Variants in TMEM135 observed in about 807,000 individuals in gnomAD.
TMEM135 encodes the protein transmembrane protein 135.
In TMEM135, 30 loss-of-function variants were observed where a neutral mutation model predicts 60.3. That is an observed-to-expected ratio of 0.50 (90% CI 0.37 to 0.68). The LOEUF is 0.68. Ranked by LOEUF, TMEM135 falls within the 30% of genes least tolerant of loss-of-function variation. The pLI is 0.00. For missense variants in TMEM135, 468 were observed against 548.8 expected (o/e 0.85, Z 1.47); for synonymous variants, 190 against 186.7 (o/e 1.02, Z -0.14).
intron 5 of TMEM135, among the ~76,000 whole-genome samples, chr11:87,182,525 T>G (rs896599107): frequency 6.6e-6 from 1 of 152,184 alleles, no homozygotes. Context: ...CACTAACATC[T>G]AAGTATATGG....
intron 4 of TMEM135, among the ~76,000 whole-genome samples, chr11:87,116,648 GACACACACA>G: frequency 2.3e-5 from 1 of 42,832 alleles, no homozygotes; most frequent in South Asian, 7.4e-4. Flanking sequence ...CACACACACA[GACACACACA>G]TACATATAGT....
rs527312469 is a variant in TMEM135, at chr11:87,154,478, A to C, written c.397-2863A>C. ...CTTTGAGAGCCTACATTCAGTAGTT[A>C]TGGATATATACCCAGAAGCAGGGTG... On this transcript the variant is annotated intron_variant, in intron 4 of 14. Transcript: ENST00000305494. 5.8e-4 allele frequency among the ~76,000 whole-genome samples: 89 copies of C among 152,318 alleles called. 1 individual carries two copies. The highest frequency in any genetic ancestry group is 3.4e-3 in the Middle Eastern group (1 of 294).
At chr11:87,272,922 C>A (rs1235601405) in intron 6 of TMEM135, among the ~76,000 whole-genome samples, 1 of 152,136 alleles carries the variant, frequency 6.6e-6, no homozygotes, top group African/African-American at 2.4e-5. Flanking sequence ...AGTACATTAA[C>A]CATACTCTGA....
intron 5 of TMEM135, among the ~76,000 whole-genome samples, chr11:87,223,179 T>TTTTG (rs1009974373): frequency 4.0e-5 from 6 of 151,700 alleles, no homozygotes; most frequent in African/African-American, 1.5e-4. Flanking sequence ...TTTTTTTTTT[T>TTTTG]TCTGAGATGG....
Position 87,038,002 on chromosome 11 carries a change from G to T in TMEM135, c.-44G>T, listed in dbSNP as rs1429807423. On this transcript the variant is annotated 5_prime_UTR_variant, in exon 1 of 15. Transcript: ENST00000305494. ...GGGCTCTCGCGCCCCTCCCTGCAGG[G>T]CTCAGGCTCTCCCCCTCCTGTCTTC... 4.3e-6 allele frequency: 7 copies of T among 1,611,832 alleles called. No homozygotes were observed. The highest frequency in any genetic ancestry group is 5.9e-6 in the Non-Finnish European group (7 of 1,179,908).
intron 6 of TMEM135, among the ~76,000 whole-genome samples, chr11:87,281,069 TCATAGCA>T (rs1427766756): frequency 1.3e-5 from 2 of 152,220 alleles, no homozygotes; most frequent in Non-Finnish European, 2.9e-5. Flanking sequence ...AAATGTAAAT[TCATAGCA>T]CATTATCAAT....
intron 1 of TMEM135, among the ~76,000 whole-genome samples, chr11:87,065,714 G>T (rs1213537030): frequency 6.6e-6 from 1 of 152,132 alleles, no homozygotes; most frequent in African/African-American, 2.4e-5. Flanking sequence ...TTGTGCTTTT[G>T]ATGTCAAGTC....
At chr11:87,305,684 G>A (rs186447957) in intron 8 of TMEM135, among the ~76,000 whole-genome samples, 5,302 of 152,160 alleles carry the variant, frequency 0.035, 93 homozygotes, top group Admixed American at 0.046. Context: ...TGAGGCAGGA[G>A]AATCGCTTGA....
chr11:87,248,123 C>T (rs891158947), intron 6 of TMEM135, among the ~76,000 whole-genome samples: 5 of 151,942 alleles, frequency 3.3e-5, no homozygotes, highest in African/African-American at 4.8e-5. Context: ...ATATTGCTTG[C>T]AAATCTTGGC....
intron 6 of TMEM135, among the ~76,000 whole-genome samples, chr11:87,241,695 TTCTACTGTCTA>T (rs1941138313): frequency 1.3e-5 from 2 of 152,078 alleles, no homozygotes; most frequent in Admixed American, 1.3e-4. Flanking sequence ...GTAACCCGTA[TTCTACTGTCTA>T]TCTCCATGAG....
At chr11:87,261,827 G>A (rs935442895) in intron 6 of TMEM135, among the ~76,000 whole-genome samples, 9 of 152,124 alleles carry the variant, frequency 5.9e-5, no homozygotes, top group African/African-American at 1.2e-4. Flanking sequence ...ATCCCCTTAC[G>A]TTGCTCAGGG....
At chr11:87,218,582 C>A (rs1294283296) in intron 5 of TMEM135, among the ~76,000 whole-genome samples, 3 of 152,084 alleles carry the variant, frequency 2.0e-5, no homozygotes, top group Admixed American at 6.6e-5. Context: ...GTGATAATGC[C>A]TAAATCCCCT....
At position 87,324,857 on chromosome 11, in the gene TMEM135, T is replaced by C; in HGVS notation, c.*3524T>C. 1 of 453,950 alleles carries C rather than the reference T, an allele frequency of 2.2e-6. No homozygotes were observed. The highest frequency in any genetic ancestry group is 4.4e-6 in the Non-Finnish European group (1 of 226,746). The allele number at this position is 453,950 out of a possible 1,614,324, so 28.1% of individuals were successfully genotyped here. ...AAACATTCTCTCTCCTAACACCTCC[T>C]TCTAGTAATCATTTTCACATAGTAG... On this transcript the variant is annotated 3_prime_UTR_variant, in exon 15 of 15. Transcript: ENST00000305494.
In TMEM135 at chr11:87,321,501, G is replaced by T. The variant is rs907503442; in HGVS notation, c.*168G>T. On this transcript the variant is annotated 3_prime_UTR_variant, in exon 15 of 15. Coordinates refer to ENST00000305494, the MANE Select transcript of TMEM135 (RefSeq NM_022918.4). Reference sequence around the variant, plus strand: ...AATCAGAAATTCAGAAGCTTTTTAGGAAGATGTTGCTTAATAATTAAGCTT... The same window carrying T: ...AATCAGAAATTCAGAAGCTTTTTAGTAAGATGTTGCTTAATAATTAAGCTT... The T allele has an allele frequency of 1.4e-5, 11 of 785,310 alleles. No homozygotes were observed. The South Asian group carries it at 1.6e-4, about 11-fold the overall frequency. 48.6% of individuals were successfully genotyped at this position (785,310 alleles called of 1,614,324 possible). A position where few individuals can be genotyped will look rare whatever the true frequency, so the allele number is the denominator to read the frequency against.
At chr11:87,269,356 T>C (rs1459117319) in intron 6 of TMEM135, among the ~76,000 whole-genome samples, 2 of 151,218 alleles carry the variant, frequency 1.3e-5, no homozygotes, top group African/African-American at 2.4e-5. Context: ...TTTTAAATTA[T>C]TATCATACTT....
chr11:87,150,288 T>C (rs937527782), intron 4 of TMEM135, among the ~76,000 whole-genome samples: 2 of 152,138 alleles, frequency 1.3e-5, no homozygotes, highest in African/African-American at 4.8e-5. Flanking sequence ...GTAGTATTCT[T>C]TTCTACTGCT....
intron 5 of TMEM135, among the ~76,000 whole-genome samples, chr11:87,227,918 C>T (rs1356823216): frequency 6.6e-6 from 1 of 152,088 alleles, no homozygotes; most frequent in African/African-American, 2.4e-5. Flanking sequence ...TAGAAACTAA[C>T]ATTATAAAAA....
intron 5 of TMEM135, among the ~76,000 whole-genome samples, chr11:87,231,703 T>A (rs1940891962): frequency 6.6e-6 from 1 of 152,096 alleles, no homozygotes; most frequent in Non-Finnish European, 1.5e-5. Context: ...CTTATAAATA[T>A]GTTAAATTAG....
intron 5 of TMEM135, among the ~76,000 whole-genome samples, chr11:87,183,773 C>A (rs1001246040): frequency 6.6e-6 from 1 of 151,342 alleles, no homozygotes; most frequent in Non-Finnish European, 1.5e-5. Context: ...CTGGCTAACA[C>A]GGTAAAACGC....
Sources: allele counts gnomAD v4.1 joint callset (sites outside exome capture counted in the v4.1 genomes callset), GRCh38; gene constraint gnomAD v4.1.1; transcripts MANE v1.5; gene names NCBI Gene and HGNC (gene_info 2026-07-23, HGNC 2026-07-21).